Variants in RPRD2 observed in about 807,000 individuals in gnomAD.
The protein encoded by RPRD2 is regulation of nuclear pre-mRNA domain containing 2.
In RPRD2, 12 loss-of-function variants were observed where a neutral mutation model predicts 104.4. That is an observed-to-expected ratio of 0.11 (90% CI 0.07 to 0.19). RPRD2 has a LOEUF of 0.19. Ranked by LOEUF, RPRD2 falls within the 10% of genes least tolerant of loss-of-function variation. RPRD2 has a pLI of 1.00. For missense variants in RPRD2, 1,543 were observed against 1,790.1 expected (o/e 0.86, Z 2.49); for synonymous variants, 714 against 684.9 (o/e 1.04, Z -0.66).
intron 1 of RPRD2, among the ~76,000 whole-genome samples, chr1:150,377,278 G>T (rs1238647295): frequency 1.3e-5 from 2 of 151,304 alleles, no homozygotes; most frequent in African/African-American, 4.9e-5. Flanking sequence ...ATTGGGTGCT[G>T]AAAGAGATGG....
chr1:150,365,052 G>T (rs1239587774), intron 1 of RPRD2, 133 bp downstream of exon 1: 1 of 829,288 alleles, frequency 1.2e-6, no homozygotes, highest in Non-Finnish European at 1.9e-6. Context: ...TGACCCCAGT[G>T]GTCCCAAACC....
intron 6 of RPRD2, among the ~76,000 whole-genome samples, chr1:150,444,805 G>A (rs946931278): frequency 6.6e-6 from 1 of 152,062 alleles, no homozygotes; most frequent in Non-Finnish European, 1.5e-5. Flanking sequence ...AACAATGCTT[G>A]GCACATAATA....
chr1:150,386,501 T>G (rs892170254), intron 1 of RPRD2, among the ~76,000 whole-genome samples: 1 of 152,224 alleles, frequency 6.6e-6, no homozygotes, highest in African/African-American at 2.4e-5. Flanking sequence ...TTTTACAAAA[T>G]GAACCATCTG....
intron 1 of RPRD2, among the ~76,000 whole-genome samples, chr1:150,373,687 T>A (rs1166515581): frequency 9.8e-6 from 1 of 101,814 alleles, no homozygotes; most frequent in Non-Finnish European, 2.4e-5. Flanking sequence ...TTTTAAGAAA[T>A]CTTTTTTAAA....
At chr1:150,419,871 G>A (rs868962123) in intron 2 of RPRD2, among the ~76,000 whole-genome samples, 8 of 152,066 alleles carry the variant, frequency 5.3e-5, no homozygotes, top group East Asian at 1.9e-4. Flanking sequence ...CAGGTGATCC[G>A]CCTGCCTCCG....
chr1:150,428,808 G>A (rs1665347106), intron 2 of RPRD2, among the ~76,000 whole-genome samples: 1 of 152,090 alleles, frequency 6.6e-6, no homozygotes, highest in African/African-American at 2.4e-5. Flanking sequence ...ATGTAACTGT[G>A]ACATCTGGAC....
intron 10 of RPRD2, among the ~76,000 whole-genome samples, chr1:150,469,078 G>A (rs587745057): frequency 6.6e-6 from 1 of 152,162 alleles, no homozygotes; most frequent in East Asian, 1.9e-4. Context: ...GCTTTAAAAT[G>A]TTACAAGGAT....
At chr1:150,365,263 C>T (rs1192511693) in intron 1 of RPRD2, among the ~76,000 whole-genome samples, 4 of 152,196 alleles carry the variant, frequency 2.6e-5, no homozygotes, top group Non-Finnish European at 4.4e-5. Context: ...CTGTTTATTT[C>T]TTACAGGCCT....
In RPRD2 at chr1:150,474,634, C is replaced by T. The variant is rs972570318; in HGVS notation, c.*1300C>T. 6.6e-6 allele frequency: 1 copy of T among 152,114 alleles called. No homozygotes were observed. Among genetic ancestry groups the T allele is most frequent in the African/African-American group, 2.4e-5 (1 of 41,412 alleles). 9.4% of individuals were successfully genotyped at this position (152,114 alleles called of 1,614,324 possible). ...ACTTGGGAAATAGACAATCACTGTACTTTGAGTGTTTATATCTTTATATCT... is the reference window on the plus strand; with the variant it reads ...ACTTGGGAAATAGACAATCACTGTATTTTGAGTGTTTATATCTTTATATCT... On this transcript the variant is annotated 3_prime_UTR_variant, in exon 11 of 11. Coordinates refer to ENST00000369068, the MANE Select transcript of RPRD2 (RefSeq NM_015203.5).
intron 7 of RPRD2, among the ~76,000 whole-genome samples, chr1:150,455,043 T>C (rs182332796): frequency 2.3e-4 from 35 of 152,358 alleles, no homozygotes; most frequent in Admixed American, 1.9e-3. Context: ...ATTGATTGTA[T>C]GTGCCCTTGA....
chr1:150,462,917 A>C (rs994222833), intron 9 of RPRD2, among the ~76,000 whole-genome samples: 3 of 152,142 alleles, frequency 2.0e-5, no homozygotes, highest in African/African-American at 7.2e-5. Flanking sequence ...GCAGGGGTGC[A>C]GTCATGGCTC....
At chr1:150,452,078 G>A (rs1413409920) in intron 7 of RPRD2, among the ~76,000 whole-genome samples, 1 of 147,372 alleles carries the variant, frequency 6.8e-6, no homozygotes, top group South Asian at 2.2e-4. Context: ...GGAGGCAGAG[G>A]TTGCAGTGAG....
chr1:150,450,035 C>T (rs1553896265), intron 7 of RPRD2, among the ~76,000 whole-genome samples: 2 of 152,064 alleles, frequency 1.3e-5, no homozygotes, highest in African/African-American at 4.8e-5. Flanking sequence ...TCTGTTGAAT[C>T]TTATCTATGA....
Position 150,394,448 on chromosome 1 carries a change from A to T in RPRD2, c.206-23148A>T, listed in dbSNP as rs1662334321. ...TAAATTATATTGCTCTCTACAATCTACTTTAAGATGGTTTGGCAAAAGAGA... is the reference window on the plus strand; with the variant it reads ...TAAATTATATTGCTCTCTACAATCTTCTTTAAGATGGTTTGGCAAAAGAGA... On this transcript the variant is annotated intron_variant, in intron 1 of 10. Transcript: ENST00000369068. 2.0e-5 allele frequency among the ~76,000 whole-genome samples: 3 copies of T among 152,308 alleles called. No individual in the cohort carries two copies. The South Asian group carries it at 6.2e-4, about 32-fold the overall frequency.
At chr1:150,366,905 C>A (rs1482289408) in intron 1 of RPRD2, among the ~76,000 whole-genome samples, 1 of 152,268 alleles carries the variant, frequency 6.6e-6, no homozygotes, top group South Asian at 2.1e-4. Flanking sequence ...GTCCCTGTCC[C>A]GTCTCTGCTG....
intron 8 of RPRD2, among the ~76,000 whole-genome samples, chr1:150,458,540 T>A (rs1667704225): frequency 6.6e-6 from 1 of 152,148 alleles, no homozygotes; most frequent in African/African-American, 2.4e-5. Flanking sequence ...AAATATCTCA[T>A]TAATAATTTT....
rs1160491386 is a variant in RPRD2 at position 150,431,473 on chromosome 1, A to ATTTTTTTTTTTTTTTTTTTTTTTTTTT, written c.336-9426_336-9425insTTTTTTTTTTTTTTTTTTTTTTTTTTT. The stretch of plus-strand genomic sequence containing the variant: ...TATTATTCAGTCTTAAAAAGGAAGG[A>ATTTTTTTTTTTTTTTTTTTTTTTTTTT]TTTTTTTTTTTTTTTTTTTTTTTTG... On this transcript the variant is annotated intron_variant, in intron 2 of 10. Transcript: ENST00000369068. Among the ~76,000 whole-genome samples the ATTTTTTTTTTTTTTTTTTTTTTTTTTT allele has an allele frequency of 1.3e-3, 104 of 78,812 alleles. 10 individuals are homozygous for ATTTTTTTTTTTTTTTTTTTTTTTTTTT. The highest frequency in any genetic ancestry group is 8.2e-3 in the Middle Eastern group (1 of 122). 51.7% of individuals were successfully genotyped at this position (78,812 alleles called of 152,430 possible). A position where few individuals can be genotyped will look rare whatever the true frequency, so the allele number is the denominator to read the frequency against.
chr1:150,405,499 T>C (rs1663400064), intron 1 of RPRD2, among the ~76,000 whole-genome samples: 1 of 152,128 alleles, frequency 6.6e-6, no homozygotes, highest in Non-Finnish European at 1.5e-5. Flanking sequence ...CTGAATCATA[T>C]TAAGAGAGTA....
At chr1:150,451,263 G>A (rs1667149300) in intron 7 of RPRD2, among the ~76,000 whole-genome samples, 1 of 152,110 alleles carries the variant, frequency 6.6e-6, no homozygotes, top group South Asian at 2.1e-4. Context: ...TTGTCAGATG[G>A]CACACAAGTT....
Sources: gnomAD v4.1 joint callset for allele counts (sites outside exome capture counted in the v4.1 genomes callset) on GRCh38, gnomAD v4.1.1 for gene constraint, MANE v1.5 for transcripts, NCBI Gene and HGNC (gene_info 2026-07-23, HGNC 2026-07-21) for gene names.